IL1RAPL1: variants seen among roughly 807,000 people sequenced by gnomAD.
IL1RAPL1 encodes the protein interleukin 1 receptor accessory protein like 1, also known as interleukin-1 receptor accessory protein-like 1.
IL1RAPL1 carries 3 observed loss-of-function variants against 48.4 expected under a neutral mutation model. The ratio of observed to expected loss-of-function variants is 0.06; its 90% CI spans 0.03 to 0.16. IL1RAPL1 has a LOEUF of 0.16. Among genes scored for constraint, IL1RAPL1 ranks in the 10% least tolerant of loss-of-function variants. The pLI is 1.00. For missense variants in IL1RAPL1, 349 were observed against 530.6 expected, an observed-to-expected ratio of 0.66 and a Z score of 3.36; for synonymous variants, 185 against 187.7, an observed-to-expected ratio of 0.99 and a Z score of 0.12.
At chrX:29,359,471 A>G (rs1299309327) in intron 3 of IL1RAPL1, among the ~76,000 whole-genome samples, 2 of 112,283 alleles carry the variant, frequency 1.8e-5, no homozygotes, top group African/African-American at 3.2e-5. Flanking sequence ...TGTCCTGTCA[A>G]CTCATACCAG....
chrX:29,185,421 T>G (rs2147523437), intron 2 of IL1RAPL1, among the ~76,000 whole-genome samples: 1 of 112,098 alleles, frequency 8.9e-6, no homozygotes, highest in African/African-American at 3.2e-5. Context: ...TCTGCTTCTC[T>G]AACTCTAAAA....
intron 6 of IL1RAPL1, among the ~76,000 whole-genome samples, chrX:29,701,135 T>A (rs965216476): frequency 6.3e-5 from 7 of 111,859 alleles, no homozygotes; most frequent in Admixed American, 4.7e-4. Context: ...ATTTTATGCT[T>A]CAAAGAAAAT....
intron 2 of IL1RAPL1, among the ~76,000 whole-genome samples, chrX:28,885,271 C>T (rs1242434075): frequency 1.8e-5 from 2 of 111,101 alleles, no homozygotes; most frequent in Non-Finnish European, 1.9e-5. Context: ...CGATGAAAGG[C>T]GGATATGACT....
intron 1 of IL1RAPL1, among the ~76,000 whole-genome samples, chrX:28,711,256 A>C (rs770364795): frequency 5.9e-4 from 66 of 111,634 alleles, no homozygotes; most frequent in African/African-American, 2.0e-3. Flanking sequence ...AATGGGGAAA[A>C]AGGTTGAAAG....
At chrX:29,064,564 G>C (rs1433791353) in intron 2 of IL1RAPL1, among the ~76,000 whole-genome samples, 6 of 109,389 alleles carry the variant, frequency 5.5e-5, no homozygotes, top group African/African-American at 2.0e-4. Flanking sequence ...TTTTGTTTTT[G>C]TTTTTGTTTT....
At chrX:29,942,068 C>A (rs1057065225) in intron 9 of IL1RAPL1, among the ~76,000 whole-genome samples, 1 of 112,054 alleles carries the variant, frequency 8.9e-6, no homozygotes, top group Non-Finnish European at 1.9e-5. Flanking sequence ...GATTGCAATG[C>A]CATCAGAGTG....
At chrX:28,767,649 CTG>C (rs907355233) in intron 1 of IL1RAPL1, among the ~76,000 whole-genome samples, 5 of 109,871 alleles carry the variant, frequency 4.6e-5, no homozygotes, top group African/African-American at 1.7e-4. Context: ...GCGTGTGTGT[CTG>C]TGTATTTATA....
chrX:28,952,724 G>T (rs184594503), intron 2 of IL1RAPL1, among the ~76,000 whole-genome samples: 1 of 111,217 alleles, frequency 9.0e-6, no homozygotes, highest in Non-Finnish European at 1.9e-5. Context: ...AAGGAAAAGT[G>T]TTTTTATGGA....
chrX:29,304,028 C>T (rs927646523), intron 3 of IL1RAPL1, among the ~76,000 whole-genome samples: 1 of 111,819 alleles, frequency 8.9e-6, no homozygotes, highest in Non-Finnish European at 1.9e-5. Context: ...ACAAGAGTTT[C>T]CTCCTCCTCC....
intron 9 of IL1RAPL1, among the ~76,000 whole-genome samples, chrX:29,948,244 C>T (rs755756004): frequency 9.0e-6 from 1 of 111,147 alleles, no homozygotes; most frequent in Admixed American, 9.6e-5. Context: ...GATATTTTAA[C>T]TAGTATCAAA....
chrX:29,744,648 G>A lies in IL1RAPL1; in HGVS notation c.778+76144G>A, dbSNP rs749945000. 2.7e-5 allele frequency among the ~76,000 whole-genome samples: 3 copies of A among 112,093 alleles called. No homozygotes were observed. The East Asian group carries it at 8.3e-4, about 31-fold the overall frequency. On this transcript the variant is annotated intron_variant, in intron 6 of 10. Transcript: ENST00000378993. ...ATTTCTGGTCAGGCTGTTTGAATTG[G>A]CCAATGCAGATTTCTTCATCCCAGC...
intron 2 of IL1RAPL1, among the ~76,000 whole-genome samples, chrX:28,814,944 G>A (rs747408880): frequency 9.1e-6 from 1 of 109,400 alleles, no homozygotes; most frequent in East Asian, 2.9e-4. Context: ...TATGCATGCT[G>A]CTGGTACTTT....
intron 2 of IL1RAPL1, among the ~76,000 whole-genome samples, chrX:29,189,973 A>G (rs191310505): frequency 2.7e-5 from 3 of 111,737 alleles, no homozygotes; most frequent in Non-Finnish European, 5.6e-5. Context: ...GGTTTAGAGC[A>G]TGGACCTTGA....
chrX:28,593,689 T>A (rs1350572911), intron 1 of IL1RAPL1, among the ~76,000 whole-genome samples: 1 of 111,828 alleles, frequency 8.9e-6, no homozygotes, highest in Non-Finnish European at 1.9e-5. Context: ...ACTCTTTCGA[T>A]GTTTATTAGG....
chrX:29,551,762 C>G (rs964949841), intron 5 of IL1RAPL1, among the ~76,000 whole-genome samples: 3 of 110,292 alleles, frequency 2.7e-5, no homozygotes, highest in Non-Finnish European at 5.7e-5. Context: ...GAAACATTCT[C>G]AAGGTCTCTC....
intron 2 of IL1RAPL1, among the ~76,000 whole-genome samples, chrX:28,884,542 ACTGT>A (rs1295146822): frequency 3.6e-5 from 4 of 111,882 alleles, no homozygotes; most frequent in African/African-American, 1.3e-4. Context: ...AAGGACATAG[ACTGT>A]CTGTCATCTT....
At chrX:29,706,154 C>T (rs190619801) in intron 6 of IL1RAPL1, among the ~76,000 whole-genome samples, 9 of 111,479 alleles carry the variant, frequency 8.1e-5, no homozygotes, top group Middle Eastern at 4.6e-3. Flanking sequence ...GGGAAAGACC[C>T]GCCCACATGA....
intron 5 of IL1RAPL1, among the ~76,000 whole-genome samples, chrX:29,582,345 GCAT>G (rs1922991885): frequency 1.1e-5 from 1 of 94,634 alleles, no homozygotes; most frequent in Non-Finnish European, 2.0e-5. Flanking sequence ...GATAAAGATA[GCAT>G]CTTTTTTTTT....
At chrX:29,130,355 C>T (rs918282014) in intron 2 of IL1RAPL1, among the ~76,000 whole-genome samples, 1 of 111,995 alleles carries the variant, frequency 8.9e-6, no homozygotes, top group Non-Finnish European at 1.9e-5. Context: ...TTCTTGATTA[C>T]ATTGGTTCTT....
Sources: gnomAD v4.1 joint callset for allele counts (sites outside exome capture counted in the v4.1 genomes callset) on GRCh38, gnomAD v4.1.1 for gene constraint, MANE v1.5 for transcripts, NCBI Gene and HGNC (gene_info 2026-07-23, HGNC 2026-07-21) for gene names.